The following ZNF2 variants were observed in gnomAD, a reference collection of about 807,000 sequenced individuals.
ZNF2 encodes zinc finger protein 2.
In ZNF2, 12 loss-of-function variants were observed where a neutral mutation model predicts 21.9. The observed-to-expected ratio is 0.55, with a 90% CI of 0.35 to 0.89. The LOEUF is 0.89. Among genes scored for constraint, ZNF2 ranks in the 40% least tolerant of loss-of-function variants. The pLI, the probability that ZNF2 is intolerant of heterozygous loss-of-function variation, is 0.01. For missense variants in ZNF2, 462 were observed against 544.2 expected, an observed-to-expected ratio of 0.85 and a Z score of 1.50; for synonymous variants, 186 against 196.3, an observed-to-expected ratio of 0.95 and a Z score of 0.44.
At chr2:95,179,665 T>C (rs1457828436) in intron 3 of ZNF2, among the ~76,000 whole-genome samples, 1 of 152,230 alleles carries the variant, frequency 6.6e-6, no homozygotes, top group Non-Finnish European at 1.5e-5. Context: ...TTGCTCCTTT[T>C]ATAGCCTCAG....
rs1674638848 is a variant in ZNF2, at chr2:95,181,313, T to G, written c.485T>G (p.Leu162Arg). Reference protein sequence around the residue: ...RDKGLRRRSALSREILTKERH... With the variant: ...RDKGLRRRSARSREILTKERH... ...AAAGGCTTGCGGCGACGGTCAGCCC[T>G]GTCCAGGGAAATTCTCACTAAAGAG... Residue 162 changes from leucine (L) to arginine (R), a missense_variant, in exon 5 of 5, where the codon CTG becomes CGG. Leu to Arg is a moderately radical substitution (Grantham distance 102). Coordinates refer to ENST00000614034, the MANE Select transcript of ZNF2 (RefSeq NM_021088.4). 3 of 1,614,096 alleles carry G rather than the reference T, an allele frequency of 1.9e-6. No homozygotes were observed. The highest frequency in any genetic ancestry group is 2.5e-6 in the Non-Finnish European group (3 of 1,180,044).
rs1160890451 is a variant in ZNF2, at chr2:95,182,707, G to A, written c.*601G>A. On this transcript the variant is annotated 3_prime_UTR_variant, in exon 5 of 5. Transcript: ENST00000614034. ...ACTGTTACCATCTGCATCTCCAGAT[G>A]AGCACCCTGAGGTTTAGAGAGATTA... 1 of 152,834 alleles carries A rather than the reference G, an allele frequency of 6.5e-6. No homozygotes were observed. Among genetic ancestry groups the A allele is most frequent in the East Asian group, 1.9e-4 (1 of 5,192 alleles). The allele number at this position is 152,834 out of a possible 1,614,324, so 9.5% of individuals were successfully genotyped here.
chr2:95,182,331 C>CA lies in ZNF2; in HGVS notation c.*226dup, dbSNP rs1186105337. On this transcript the variant is annotated 3_prime_UTR_variant, in exon 5 of 5. Transcript: ENST00000614034. The stretch of plus-strand genomic sequence containing the variant: ...GATACAAAATTTTGAAGAGGTTTGT[C>CA]AGACAATAGGATAGATGTTAGGAGG... 3 of 540,572 alleles carry CA rather than the reference C, an allele frequency of 5.5e-6. No individual in the cohort carries two copies. The African/African-American group carries it at 5.6e-5, about 10-fold the overall frequency. 33.5% of individuals were successfully genotyped at this position (540,572 alleles called of 1,614,324 possible). A position where few individuals can be genotyped will look rare whatever the true frequency, so the allele number is the denominator to read the frequency against.
At chr2:95,171,026 C>A (rs994414000) in intron 1 of ZNF2, among the ~76,000 whole-genome samples, 1 of 152,046 alleles carries the variant, frequency 6.6e-6, no homozygotes, top group Non-Finnish European at 1.5e-5. Context: ...TTAAACATTG[C>A]CTTCCTTGTA....
At chr2:95,178,743 CATGGTGT>C (rs1674534742) in intron 3 of ZNF2, among the ~76,000 whole-genome samples, 1 of 152,092 alleles carries the variant, frequency 6.6e-6, no homozygotes, top group African/African-American at 2.4e-5. Flanking sequence ...ACTAGTAGTC[CATGGTGT>C]ATGCAGATGT....
In ZNF2 at chr2:95,183,455, G is replaced by C. The variant is rs1573407927; in HGVS notation, c.*1349G>C. ...TACTGTTAAGCCAGTCTTTGCAAAT[G>C]ACCCCTTCCTGCCCATCACTGCCTT... On this transcript the variant is annotated 3_prime_UTR_variant, in exon 5 of 5. Coordinates refer to ENST00000614034, the MANE Select transcript of ZNF2 (RefSeq NM_021088.4). 6.6e-6 allele frequency: 1 copy of C among 152,154 alleles called. No homozygotes were observed. The highest frequency in any genetic ancestry group is 1.5e-5 in the Non-Finnish European group (1 of 68,026). 9.4% of individuals were successfully genotyped at this position (152,154 alleles called of 1,614,324 possible).
intron 4 of ZNF2, among the ~76,000 whole-genome samples, chr2:95,180,511 C>CTT (rs1165637913): frequency 7.2e-5 from 10 of 139,370 alleles, no homozygotes; most frequent in African/African-American, 1.0e-4. Flanking sequence ...TTTGCTATTT[C>CTT]TTTTTTTTTT....
intron 1 of ZNF2, among the ~76,000 whole-genome samples, chr2:95,175,793 G>A (rs1331248814): frequency 6.6e-6 from 1 of 152,234 alleles, no homozygotes; most frequent in Non-Finnish European, 1.5e-5. Context: ...TTCCTTTGAA[G>A]AGACTGGATT....
rs143835684 is a variant in ZNF2 at position 95,171,841 on chromosome 2, G to A, written c.-39-4347G>A. Among the ~76,000 whole-genome samples the A allele has an allele frequency of 5.6e-4, 86 of 152,272 alleles. 1 individual carries two copies. The highest frequency in any genetic ancestry group is 1.9e-3 in the African/African-American group (78 of 41,568). ...TCCCATCACACCACAGCCACTCAGT[G>A]TGGCGTGGCCACCTGTGTTGGGGTC... On this transcript the variant is annotated intron_variant, in intron 1 of 4. Coordinates refer to ENST00000614034, the MANE Select transcript of ZNF2 (RefSeq NM_021088.4).
chr2:95,174,487 A>G (rs1266009076), intron 1 of ZNF2, among the ~76,000 whole-genome samples: 1 of 152,172 alleles, frequency 6.6e-6, no homozygotes, highest in Non-Finnish European at 1.5e-5. Flanking sequence ...TACCATTCTA[A>G]GCTAATTTTT....
intron 1 of ZNF2, among the ~76,000 whole-genome samples, chr2:95,174,722 C>T (rs1156858388): frequency 1.3e-5 from 2 of 152,182 alleles, no homozygotes; most frequent in Admixed American, 6.5e-5. Context: ...CTTTGCTGCT[C>T]TTAATGCATC....
chr2:95,178,534 G>A (rs1452938539), intron 3 of ZNF2, among the ~76,000 whole-genome samples: 1 of 152,190 alleles, frequency 6.6e-6, no homozygotes, highest in Non-Finnish European at 1.5e-5. Flanking sequence ...GATGCTGGGT[G>A]TGGCCGTTTT....
intron 1 of ZNF2, among the ~76,000 whole-genome samples, chr2:95,174,904 A>G (rs548678386): frequency 6.6e-6 from 1 of 152,328 alleles, no homozygotes; most frequent in Admixed American, 6.5e-5. Context: ...AGCAGTGACC[A>G]TATCCCCTTG....
At chr2:95,171,791 C>A (rs550344367) in intron 1 of ZNF2, among the ~76,000 whole-genome samples, 1 of 152,238 alleles carries the variant, frequency 6.6e-6, no homozygotes, top group Non-Finnish European at 1.5e-5. Flanking sequence ...ATGGTCTACT[C>A]ACCTCCATTC....
At chr2:95,181,026 C>A (rs1373081130) in intron 4 of ZNF2, 77 bp from the exon 5 acceptor site, 22 of 1,512,296 alleles carry the variant, frequency 1.5e-5, no homozygotes, top group Non-Finnish European at 2.0e-5. Context: ...TACTTTCAGA[C>A]TCATCGGAGC....
At chr2:95,177,375 T>C (rs1173339521) in intron 2 of ZNF2, 108 bp from the exon 3 acceptor site, 78 of 1,351,292 alleles carry the variant, frequency 5.8e-5, no homozygotes, top group Non-Finnish European at 7.6e-5. Context: ...GAACTGTTTT[T>C]CTTTCCTCCC....
rs1376939033 is a variant in ZNF2 at position 95,181,379 on chromosome 2, A to C, written c.551A>C (p.Asp184Ala). 3 of 1,613,974 alleles carry C rather than the reference A, an allele frequency of 1.9e-6. No individual in the cohort carries two copies. The South Asian group carries it at 3.3e-5, about 18-fold the overall frequency. Residue 184 changes from aspartate (D) to alanine (A), a missense_variant, in exon 5 of 5, where the codon GAC becomes GCC. Coordinates refer to ENST00000614034, the MANE Select transcript of ZNF2 (RefSeq NM_021088.4). ...ECSDCGKTFF[D>A]HSSLTRHQRT... The stretch of plus-strand genomic sequence containing the variant: ...AGTGACTGTGGGAAGACCTTTTTTG[A>C]CCACTCATCCCTCACCCGCCATCAG...
chr2:95,174,476 C>G (rs979364139), intron 1 of ZNF2, among the ~76,000 whole-genome samples: 10 of 152,214 alleles, frequency 6.6e-5, no homozygotes, highest in Non-Finnish European at 1.5e-4. Flanking sequence ...GCCTAGACTT[C>G]TACCATTCTA....
intron 1 of ZNF2, among the ~76,000 whole-genome samples, chr2:95,166,204 G>C (rs534446441): frequency 2.1e-4 from 32 of 151,720 alleles, no homozygotes; most frequent in Middle Eastern, 6.8e-3. Flanking sequence ...CTGCCGCTCC[G>C]TCTTTGCCAG....
Sources: allele counts gnomAD v4.1 joint callset (sites outside exome capture counted in the v4.1 genomes callset), GRCh38; gene constraint gnomAD v4.1.1; transcripts MANE v1.5; gene names NCBI Gene and HGNC (gene_info 2026-07-23, HGNC 2026-07-21).